Variants in ARHGAP26 observed in about 807,000 individuals in gnomAD.
ARHGAP26 encodes Rho GTPase activating protein 26.
In ARHGAP26, 38 loss-of-function variants were observed where a neutral mutation model predicts 104.8. That is an observed-to-expected ratio of 0.36 (90% CI 0.28 to 0.48). ARHGAP26 has a LOEUF of 0.48. Ranked by LOEUF, ARHGAP26 falls within the 20% of genes least tolerant of loss-of-function variation. ARHGAP26 has a pLI of 0.99. For missense variants in ARHGAP26, 704 were observed against 947.9 expected (o/e 0.74, Z 3.38); for synonymous variants, 341 against 340.0 (o/e 1.00, Z -0.03).
At chr5:143,181,736 G>A (rs1251197562) in intron 20 of ARHGAP26, among the ~76,000 whole-genome samples, 1 of 152,194 alleles carries the variant, frequency 6.6e-6, no homozygotes, top group African/African-American at 2.4e-5. Flanking sequence ...TCCGCACTTT[G>A]GAGATGCCAG....
At chr5:142,802,205 GT>G (rs1762202701) in intron 1 of ARHGAP26, among the ~76,000 whole-genome samples, 1 of 152,346 alleles carries the variant, frequency 6.6e-6, no homozygotes, top group African/African-American at 2.4e-5. Flanking sequence ...ATAAACAGAT[GT>G]GTGGAAGTTG....
intron 20 of ARHGAP26, among the ~76,000 whole-genome samples, chr5:143,167,570 T>C (rs1802182679): frequency 6.6e-6 from 1 of 151,582 alleles, no homozygotes; most frequent in Non-Finnish European, 1.5e-5. Context: ...TTACATTTCA[T>C]TTGTTTGTAG....
chr5:143,057,782 C>T (rs781730710), intron 17 of ARHGAP26, 35 bp downstream of exon 17: 4 of 1,551,158 alleles, frequency 2.6e-6, no homozygotes, highest in African/African-American at 2.7e-5. Context: ...CTTTTTCTTA[C>T]CCCTGAAAGT....
intron 5 of ARHGAP26, among the ~76,000 whole-genome samples, chr5:142,892,885 C>A (rs919789415): frequency 2.6e-5 from 4 of 152,038 alleles, no homozygotes; most frequent in African/African-American, 7.2e-5. Flanking sequence ...CATAGTCATC[C>A]TACTGTGTTC....
chr5:143,057,792 TTCTTA>T, intron 17 of ARHGAP26, 45 bp downstream of exon 17: 1 of 1,511,618 alleles, frequency 6.6e-7, no homozygotes, highest in African/African-American at 1.4e-5. Context: ...CCCCTGAAAG[TTCTTA>T]TCTTAGCAGT....
At chr5:142,866,759 C>T (rs1184585774) in intron 1 of ARHGAP26, 1 of 152,112 alleles carries the variant, frequency 6.6e-6, no homozygotes, top group African/African-American at 2.4e-5. Flanking sequence ...GGGAAATGGC[C>T]TCAGGAAAAG....
At chr5:143,036,246 G>A (rs561287688) in intron 12 of ARHGAP26, among the ~76,000 whole-genome samples, 63 of 152,236 alleles carry the variant, frequency 4.1e-4, no homozygotes, top group Non-Finnish European at 5.9e-4. Flanking sequence ...CTTGTCCACT[G>A]TCCTAAGAAG....
intron 17 of ARHGAP26, among the ~76,000 whole-genome samples, chr5:143,074,119 G>C (rs1462823192): frequency 6.6e-6 from 1 of 151,892 alleles, no homozygotes; most frequent in African/African-American, 2.4e-5. Flanking sequence ...ATTTTAACTA[G>C]TATTGCTAAT....
intron 1 of ARHGAP26, among the ~76,000 whole-genome samples, chr5:142,813,205 T>C (rs1764464511): frequency 1.3e-5 from 2 of 152,076 alleles, no homozygotes; most frequent in Admixed American, 6.6e-5. Context: ...CCTCCCAGAG[T>C]GCGGGGATTA....
intron 20 of ARHGAP26, among the ~76,000 whole-genome samples, chr5:143,172,473 A>C (rs1802911449): frequency 1.3e-5 from 2 of 152,250 alleles, no homozygotes; most frequent in South Asian, 4.1e-4. Context: ...TGTTCAAAAA[A>C]AGCATGCCAG....
intron 14 of ARHGAP26, among the ~76,000 whole-genome samples, chr5:143,044,719 A>G (rs537319201): frequency 3.3e-5 from 5 of 152,366 alleles, no homozygotes; most frequent in African/African-American, 1.2e-4. Flanking sequence ...TATCTAATAC[A>G]GATGTAACAA....
At chr5:142,841,212 A>G (rs774741743) in intron 1 of ARHGAP26, among the ~76,000 whole-genome samples, 1 of 152,150 alleles carries the variant, frequency 6.6e-6, no homozygotes, top group Non-Finnish European at 1.5e-5. Context: ...TAGGCAGACA[A>G]AGAAGAAAGC....
rs1180092734 is a variant in ARHGAP26 at position 143,114,447 on chromosome 5, TA to T, written c.1539-6540del. 3.9e-5 allele frequency among the ~76,000 whole-genome samples: 6 copies of T among 152,164 alleles called. No homozygotes were observed. In the East Asian group the frequency reaches 1.2e-3, roughly 29 times the overall value. On this transcript the variant is annotated intron_variant, in intron 17 of 22. Coordinates refer to ENST00000645722, the MANE Select transcript of ARHGAP26 (RefSeq NM_001135608.3). The stretch of plus-strand genomic sequence containing the variant: ...ATTCCCCCCGCCATCCTCTGTTATA[TA>T]CTAAGGATAGATTTAAGGCTGGTGA...
At chr5:143,089,954 T>C (rs1351927354) in intron 17 of ARHGAP26, among the ~76,000 whole-genome samples, 1 of 152,240 alleles carries the variant, frequency 6.6e-6, no homozygotes. Context: ...ACTCCAGTTA[T>C]TCGGCAGAGT....
At chr5:142,774,017 G>A (rs561444745) in intron 1 of ARHGAP26, among the ~76,000 whole-genome samples, 6 of 152,302 alleles carry the variant, frequency 3.9e-5, no homozygotes, top group Non-Finnish European at 5.9e-5. Flanking sequence ...ACTCTCAAAG[G>A]ATGTTCGATG....
At chr5:142,851,122 G>C (rs1751424841) in intron 1 of ARHGAP26, among the ~76,000 whole-genome samples, 1 of 147,944 alleles carries the variant, frequency 6.8e-6, no homozygotes, top group Non-Finnish European at 1.5e-5. Flanking sequence ...TCCTGAGACA[G>C]AGTCTCACTC....
At chr5:142,815,117 C>T (rs925455825) in intron 1 of ARHGAP26, among the ~76,000 whole-genome samples, 1 of 152,244 alleles carries the variant, frequency 6.6e-6, no homozygotes, top group East Asian at 1.9e-4. Context: ...TCCCCTGCCT[C>T]AGCCTCCCAA....
chr5:143,157,388 G>C (rs1476275437), intron 20 of ARHGAP26, among the ~76,000 whole-genome samples: 1 of 152,042 alleles, frequency 6.6e-6, no homozygotes, highest in East Asian at 1.9e-4. Flanking sequence ...ATGTTGGCCA[G>C]GCTGGTCTTG....
Position 143,223,300 on chromosome 5 carries a change from G to T in ARHGAP26, c.*854G>T, listed in dbSNP as rs918612782. Reference sequence around the variant, plus strand: ...CTTGAAGCACAGGATCAAGGAATTAGGGTGGTCTACTTGAGGCAGATGGGA... The same window carrying T: ...CTTGAAGCACAGGATCAAGGAATTATGGTGGTCTACTTGAGGCAGATGGGA... On this transcript the variant is annotated 3_prime_UTR_variant, in exon 23 of 23. Transcript: ENST00000645722. The T allele has an allele frequency of 4.3e-6, 1 of 233,166 alleles. No homozygotes were observed. The highest frequency in any genetic ancestry group is 2.2e-5 in the African/African-American group (1 of 45,414). The allele number at this position is 233,166 out of a possible 1,614,324, so 14.4% of individuals were successfully genotyped here. A position where few individuals can be genotyped will look rare whatever the true frequency, so the allele number is the denominator to read the frequency against.
Sources: gnomAD v4.1 joint callset for allele counts (sites outside exome capture counted in the v4.1 genomes callset) on GRCh38, gnomAD v4.1.1 for gene constraint, MANE v1.5 for transcripts, NCBI Gene and HGNC (gene_info 2026-07-23, HGNC 2026-07-21) for gene names.